The following BMP6 variants were observed in gnomAD, a reference collection of about 807,000 sequenced individuals.
BMP6 encodes VG-1-R.
Under a neutral mutation model 54.1 loss-of-function variants are expected in BMP6, and 17 were observed. The observed-to-expected ratio is 0.31, with a 90% CI of 0.22 to 0.47. The LOEUF is 0.47. Among genes scored for constraint, BMP6 ranks in the 20% least tolerant of loss-of-function variants. The probability of loss-of-function intolerance (pLI) is 1.00; values close to 1 mark genes in which losing one functional copy is unlikely to be tolerated. For synonymous variants in BMP6, 328 were observed against 291.2 expected, an observed-to-expected ratio of 1.13 and a Z score of -1.28; for missense variants, 720 against 690.4, an observed-to-expected ratio of 1.04 and a Z score of -0.48.
intron 4 of BMP6, among the ~76,000 whole-genome samples, chr6:7,876,366 T>G (rs1759614950): frequency 6.6e-6 from 1 of 152,246 alleles, no homozygotes; most frequent in Non-Finnish European, 1.5e-5. Context: ...CTTTGGGCCT[T>G]TTCAACTTAA....
intron 1 of BMP6, among the ~76,000 whole-genome samples, chr6:7,832,257 G>T (rs1031422903): frequency 6.6e-6 from 1 of 152,204 alleles, no homozygotes; most frequent in Middle Eastern, 3.4e-3. Flanking sequence ...TTGTTTCCAC[G>T]CCCCTGCAAA....
At chr6:7,864,113 C>T (rs1339819448) in intron 4 of BMP6, among the ~76,000 whole-genome samples, 1 of 152,132 alleles carries the variant, frequency 6.6e-6, no homozygotes, top group Non-Finnish European at 1.5e-5. Flanking sequence ...TCCCTCCCCA[C>T]AGCCAGTCCC....
chr6:7,777,337 C>T (rs1757876746), intron 1 of BMP6, among the ~76,000 whole-genome samples: 1 of 152,192 alleles, frequency 6.6e-6, no homozygotes, highest in African/African-American at 2.4e-5. Flanking sequence ...AACGGGCAGC[C>T]TTCAAGGCAA....
chr6:7,761,637 C>G (rs779307883), intron 1 of BMP6, among the ~76,000 whole-genome samples: 1 of 152,202 alleles, frequency 6.6e-6, no homozygotes, highest in Non-Finnish European at 1.5e-5. Context: ...GTCAGTATCT[C>G]AGGCACCTGC....
intron 1 of BMP6, among the ~76,000 whole-genome samples, chr6:7,837,760 A>G (rs990081767): frequency 2.6e-5 from 4 of 152,142 alleles, no homozygotes; most frequent in Non-Finnish European, 4.4e-5. Context: ...CATATAACCA[A>G]ACACGACTTG....
intron 1 of BMP6, among the ~76,000 whole-genome samples, chr6:7,818,444 T>G (rs1561781778): frequency 6.6e-6 from 1 of 152,176 alleles, no homozygotes; most frequent in Non-Finnish European, 1.5e-5. Flanking sequence ...ATTTGAAAAG[T>G]GTTTTTGTTT....
rs77666591 is a variant in BMP6 at position 7,845,889 on chromosome 6, A to G, written c.857+557A>G. 2.5e-3 allele frequency among the ~76,000 whole-genome samples: 379 copies of G among 152,294 alleles called. 3 individuals are homozygous for G. Among genetic ancestry groups the G allele is most frequent in the African/African-American group, 8.6e-3 (356 of 41,558 alleles). On this transcript the variant is annotated intron_variant, in intron 2 of 6. Coordinates refer to ENST00000283147, the MANE Select transcript of BMP6 (RefSeq NM_001718.6). ...TAAAACAAGGCCAGACCATTTTACA[A>G]AAGAACTGCAGTGAAGCATGTGCAT...
At chr6:7,789,614 C>T (rs1238996709) in intron 1 of BMP6, among the ~76,000 whole-genome samples, 1 of 152,112 alleles carries the variant, frequency 6.6e-6, no homozygotes, top group African/African-American at 2.4e-5. Context: ...TTGGCAGGTG[C>T]TCCTGGAGTC....
chr6:7,856,595 A>ATTTTTTTTTTTTTTTTTT (rs70982115), intron 2 of BMP6, among the ~76,000 whole-genome samples: 1,483 of 82,838 alleles, frequency 0.018, 228 homozygotes, highest in East Asian at 0.13. Context: ...TATCAAGAGC[A>ATTTTTTTTTTTTTTTTTT]TTTTTTTTTT....
intron 1 of BMP6, among the ~76,000 whole-genome samples, chr6:7,731,752 G>C (rs1761862977): frequency 6.6e-6 from 1 of 152,182 alleles, no homozygotes; most frequent in Admixed American, 6.5e-5. Context: ...CAGTATTTGA[G>C]GTAAATCATC....
intron 2 of BMP6, among the ~76,000 whole-genome samples, chr6:7,858,853 T>C (rs1006213309): frequency 3.3e-5 from 5 of 150,448 alleles, no homozygotes; most frequent in Non-Finnish European, 5.9e-5. Flanking sequence ...TAGGACCACA[T>C]AGAGTTTTCA....
intron 5 of BMP6, among the ~76,000 whole-genome samples, chr6:7,879,590 C>A (rs925021549): frequency 5.9e-5 from 9 of 152,226 alleles, no homozygotes; most frequent in African/African-American, 2.2e-4. Context: ...ACCTGAGAAC[C>A]ATCACTAGTT....
chr6:7,758,639 G>T (rs1170976514), intron 1 of BMP6, among the ~76,000 whole-genome samples: 2 of 152,176 alleles, frequency 1.3e-5, no homozygotes, highest in Admixed American at 6.5e-5. Context: ...GTGGCTAAAG[G>T]GTGAAGCTTT....
At chr6:7,853,052 T>G (rs1759170846) in intron 2 of BMP6, among the ~76,000 whole-genome samples, 1 of 152,160 alleles carries the variant, frequency 6.6e-6, no homozygotes, top group African/African-American at 2.4e-5. Context: ...CTGCTTGGTG[T>G]CTGTGCCTCG....
chr6:7,859,799 TC>T (rs1759306631), intron 2 of BMP6, among the ~76,000 whole-genome samples: 1 of 152,104 alleles, frequency 6.6e-6, no homozygotes, highest in Non-Finnish European at 1.5e-5. Context: ...GAATGTGGCC[TC>T]CCGCAGACTC....
chr6:7,860,931 G>T (rs552840355), intron 2 of BMP6, among the ~76,000 whole-genome samples: 5 of 151,944 alleles, frequency 3.3e-5, no homozygotes, highest in African/African-American at 1.2e-4. Context: ...CCTGTTTCTC[G>T]CTGTCTCCTA....
chr6:7,813,390 G>C (rs1285287678), intron 1 of BMP6, among the ~76,000 whole-genome samples: 3 of 130,320 alleles, frequency 2.3e-5, no homozygotes, highest in South Asian at 4.9e-4. Flanking sequence ...TGGAGGCCAA[G>C]GCAAGAGGTT....
rs142774620 is a variant in BMP6, at chr6:7,769,229, C to T, written c.664+41610C>T. On this transcript the variant is annotated intron_variant, in intron 1 of 6. Transcript: ENST00000283147. ...TGGGAAGGACAAAGTGGAACTACAC[C>T]GATCAGCTCTTCAGAGCCCAGACTT... Among the ~76,000 whole-genome samples the T allele has an allele frequency of 2.4e-3, 373 of 152,264 alleles. 1 individual carries two copies. The highest frequency in any genetic ancestry group is 8.6e-3 in the African/African-American group (359 of 41,552).
chr6:7,844,619 C>T (rs1348672148), intron 1 of BMP6, among the ~76,000 whole-genome samples: 2 of 152,266 alleles, frequency 1.3e-5, no homozygotes, highest in Non-Finnish European at 2.9e-5. Context: ...CTTCCCCACC[C>T]GCAGCCATCC....
Sources: gnomAD v4.1 joint callset for allele counts (sites outside exome capture counted in the v4.1 genomes callset) on GRCh38, gnomAD v4.1.1 for gene constraint, MANE v1.5 for transcripts, NCBI Gene and HGNC (gene_info 2026-07-23, HGNC 2026-07-21) for gene names.